Variants in ZNF331 observed in about 807,000 individuals in gnomAD.
ZNF331 encodes the protein C2H2-like zinc finger protein rearranged in thyroid adenomas.
Under a neutral mutation model 7.0 loss-of-function variants are expected in ZNF331, and 2 were observed. The ratio of observed to expected loss-of-function variants is 0.29; its 90% CI spans 0.12 to 0.90. The LOEUF is 0.90. Ranked by LOEUF, ZNF331 falls within the 40% of genes least tolerant of loss-of-function variation. The probability of loss-of-function intolerance (pLI) is 0.58; values close to 1 mark genes in which losing one functional copy is unlikely to be tolerated. For synonymous variants in ZNF331, 196 were observed against 205.4 expected, an observed-to-expected ratio of 0.95 and a Z score of 0.39; for missense variants, 432 against 587.7, an observed-to-expected ratio of 0.74 and a Z score of 2.74.
chr19:53,571,672 T>C lies in ZNF331; in HGVS notation c.78T>C (p.Ala26=), dbSNP rs2090451799. 2 of 1,614,002 alleles carry C rather than the reference T, an allele frequency of 1.2e-6. No homozygotes were observed. The highest frequency in any genetic ancestry group is 1.7e-6 in the Non-Finnish European group (2 of 1,180,008). Reference sequence around the variant, plus strand: ...AGGAGTGGGCCTGTCTGAACTCTGCTCAGAGGGACCTGTACTGGGACGTGA... The same window carrying C: ...AGGAGTGGGCCTGTCTGAACTCTGCCCAGAGGGACCTGTACTGGGACGTGA... ...SQEEWACLNS[A]QRDLYWDVML... is the part of the protein sequence containing the mutation. The change falls in exon 5 of 6, where the codon GCT becomes GCC. Residue 26 remains alanine, a synonymous_variant. Transcript: ENST00000449416. This position sits in a 1 kb window ranked among gnomAD's most constrained non-coding sequence, Gnocchi z 4.7.
At chr19:53,562,743 A>G (rs2089956324) in intron 3 of ZNF331, among the ~76,000 whole-genome samples, 1 of 149,704 alleles carries the variant, frequency 6.7e-6, no homozygotes, top group African/African-American at 2.5e-5. Flanking sequence ...TAATCCCAAC[A>G]CTTTGGAAGG....
At chr19:53,543,147 C>T (rs1193175053) in intron 2 of ZNF331, among the ~76,000 whole-genome samples, 1 of 151,840 alleles carries the variant, frequency 6.6e-6, no homozygotes, top group Non-Finnish European at 1.5e-5. Context: ...GGGGGCCAGG[C>T]ATGGTGGCTC....
chr19:53,528,831 C>T (rs540836500), intron 2 of ZNF331, among the ~76,000 whole-genome samples: 2 of 151,998 alleles, frequency 1.3e-5, no homozygotes, highest in African/African-American at 4.8e-5. Context: ...GTTGCCCAGG[C>T]TGGAGTGCAG....
At chr19:53,557,356 G>A (rs1028433122) in intron 3 of ZNF331, among the ~76,000 whole-genome samples, 11 of 152,134 alleles carry the variant, frequency 7.2e-5, no homozygotes, top group African/African-American at 2.7e-4. Flanking sequence ...AAGGTTGCAG[G>A]CGACCACCCT....
In ZNF331 at chr19:53,560,088, TACACACATATACCCACACCATAC is replaced by T. The variant is rs1371192813; in HGVS notation, c.-74+4192_-74+4214del. On this transcript the variant is annotated intron_variant, in intron 3 of 5. Transcript: ENST00000449416. The surrounding 1 kb of genome is among the most constrained non-coding windows in gnomAD (Gnocchi z 4.3). ...TATACATACCATACACACACATATA[TACACACATATACCCACACCATAC>T]ACACACATATATACACACACCATAT... 2.0e-5 allele frequency among the ~76,000 whole-genome samples: 3 copies of T among 149,366 alleles called. No individual in the cohort carries two copies. Among genetic ancestry groups the T allele is most frequent in the African/African-American group, 7.4e-5 (3 of 40,448 alleles).
the ZNF331 span, chr19:53,512,679 G>A: frequency 6.7e-6 from 1 of 149,972 alleles, no homozygotes; most frequent in African/African-American, 2.4e-5. Context: ...GTTAGGAACT[G>A]GACCGCACAT....
chr19:53,569,735 C>G (rs956953327), intron 4 of ZNF331, among the ~76,000 whole-genome samples: 1 of 152,120 alleles, frequency 6.6e-6, no homozygotes, highest in African/African-American at 2.4e-5. Flanking sequence ...CTCCACTGAT[C>G]ATGTTTTCTG....
upstream of ZNF331, chr19:53,520,913 T>A (rs959749209): frequency 3.3e-5 from 5 of 150,032 alleles, no homozygotes; most frequent in African/African-American, 1.2e-4. Flanking sequence ...GGCCTCTGGG[T>A]CACGGCTCCA....
the ZNF331 span, among the ~76,000 whole-genome samples, chr19:53,507,429 G>A: frequency 1.3e-5 from 2 of 152,150 alleles, no homozygotes; most frequent in South Asian, 4.1e-4. Context: ...CAGAAATGGT[G>A]TATTCTGGGA....
intron 2 of ZNF331, among the ~76,000 whole-genome samples, chr19:53,524,791 GGCTTTTGGTGCCATT>G (rs1215269948): frequency 6.6e-6 from 1 of 152,070 alleles, no homozygotes; most frequent in Non-Finnish European, 1.5e-5. Flanking sequence ...TGTCTATTTT[GGCTTTTGGTGCCATT>G]GCTTTTGGTG....
chr19:53,535,066 G>A (rs2087694113), upstream of ZNF331, among the ~76,000 whole-genome samples: 1 of 147,172 alleles, frequency 6.8e-6, no homozygotes, highest in South Asian at 2.2e-4. Flanking sequence ...CACACAAAGA[G>A]GAAACTAAAA....
At chr19:53,546,490 C>T (rs991517874) in intron 2 of ZNF331, among the ~76,000 whole-genome samples, 2 of 151,112 alleles carry the variant, frequency 1.3e-5, no homozygotes, top group Admixed American at 1.3e-4. Context: ...TGTTGACATC[C>T]TGCTGTGTGC....
chr19:53,567,382 A>G (rs973833911), intron 3 of ZNF331, among the ~76,000 whole-genome samples: 1 of 152,198 alleles, frequency 6.6e-6, no homozygotes, highest in Non-Finnish European at 1.5e-5. Context: ...GGGTAGGCTC[A>G]GAATGAGACT....
At chr19:53,528,363 T>C (rs1417767307) in intron 2 of ZNF331, among the ~76,000 whole-genome samples, 2 of 152,230 alleles carry the variant, frequency 1.3e-5, no homozygotes, top group Non-Finnish European at 2.9e-5. Flanking sequence ...CTCATGTTTC[T>C]TTTCTAAAAA....
Position 53,549,241 on chromosome 19 carries a change from T to C in ZNF331, c.-137-6604T>C, listed in dbSNP as rs565407582. On this transcript the variant is annotated intron_variant, in intron 2 of 5. Coordinates refer to ENST00000449416, the MANE Select transcript of ZNF331 (RefSeq NM_001079906.2). ...TGTTGGCACCTTTGTCAAAGATCAGTTGACCATGAGTTTGGATTTGTTTCT... is the reference window on the plus strand; with the variant it reads ...TGTTGGCACCTTTGTCAAAGATCAGCTGACCATGAGTTTGGATTTGTTTCT... Among the ~76,000 whole-genome samples, 3 of 152,212 alleles carry C rather than the reference T, an allele frequency of 2.0e-5. No homozygotes were observed. In the South Asian group the frequency reaches 6.2e-4, roughly 31 times the overall value.
chr19:53,538,929 C>T (rs1275216689), intron 1 of ZNF331: 1 of 152,344 alleles, frequency 6.6e-6, no homozygotes, highest in East Asian at 1.9e-4. Flanking sequence ...AATTCACCAG[C>T]AAGAAGGCAG....
At chr19:53,506,456 C>CTCTCTCTCTCTCTGTCTG in the ZNF331 span, among the ~76,000 whole-genome samples, 1 of 102,030 alleles carries the variant, frequency 9.8e-6, no homozygotes, top group African/African-American at 4.4e-5. Flanking sequence ...CTCTCTCTCT[C>CTCTCTCTCTCTCTGTCTG]TCTCTCTCTC....
At chr19:53,565,099 A>T (rs1024617147) in intron 3 of ZNF331, among the ~76,000 whole-genome samples, 1 of 152,164 alleles carries the variant, frequency 6.6e-6, no homozygotes, top group Admixed American at 6.6e-5. Context: ...TTGGAATGAG[A>T]GTCTGATTCA....
Position 53,563,149 on chromosome 19 carries a change from G to A in ZNF331, c.-73-6155G>A, listed in dbSNP as rs924129044. On this transcript the variant is annotated intron_variant, in intron 3 of 5. Transcript: ENST00000449416. ...GTCATCCAGGCTGGAGTGCAAGGGC[G>A]TGATCTCAGCTCACTGCAATCTCCG... is the stretch of plus-strand genomic sequence containing the variant. Among the ~76,000 whole-genome samples, 8 of 144,162 alleles carry A rather than the reference G, an allele frequency of 5.5e-5. No homozygotes were observed. The South Asian group carries it at 9.9e-4, about 18-fold the overall frequency. The allele number at this position is 144,162 out of a possible 152,430, so 94.6% of individuals were successfully genotyped here.
Sources: gnomAD v4.1 joint callset for allele counts (sites outside exome capture counted in the v4.1 genomes callset) on GRCh38, gnomAD v4.1.1 for gene constraint, Gnocchi (gnomAD v3.1) non-coding constraint, MANE v1.5 for transcripts, NCBI Gene and HGNC (gene_info 2026-07-23, HGNC 2026-07-21) for gene names.